The following KCNH1 variants were observed in gnomAD, a reference collection of about 807,000 sequenced individuals.
KCNH1 encodes the protein potassium voltage-gated channel subfamily H member 1, also known as voltage-gated delayed rectifier potassium channel KCNH1.
A neutral mutation model predicts 69.2 loss-of-function variants in KCNH1; 27 were observed. The observed-to-expected ratio is 0.39, with a 90% CI of 0.29 to 0.54. The LOEUF is 0.54. Ranked by LOEUF, KCNH1 falls within the 20% of genes least tolerant of loss-of-function variation. The pLI, the probability that KCNH1 is intolerant of heterozygous loss-of-function variation, is 0.68. For synonymous variants in KCNH1, 456 were observed against 487.7 expected (o/e 0.93, Z 0.86); for missense variants, 798 against 1,261.6 (o/e 0.63, Z 5.57).
At chr1:210,962,532 T>G (rs1688313654) in intron 6 of KCNH1, among the ~76,000 whole-genome samples, 1 of 152,130 alleles carries the variant, frequency 6.6e-6, no homozygotes, top group Non-Finnish European at 1.5e-5. Flanking sequence ...TTATTTAATT[T>G]TATTCAATGT....
At chr1:211,075,248 T>C (rs186167709) in intron 5 of KCNH1, among the ~76,000 whole-genome samples, 10 of 152,326 alleles carry the variant, frequency 6.6e-5, no homozygotes. Flanking sequence ...ATCATCCAAA[T>C]ATCTGTCCTT....
chr1:211,068,674 G>A (rs749310063), intron 5 of KCNH1, among the ~76,000 whole-genome samples: 2 of 152,144 alleles, frequency 1.3e-5, no homozygotes, highest in Non-Finnish European at 2.9e-5. Flanking sequence ...GATTACAGGC[G>A]TGAGCCACTG....
chr1:210,704,497 AGCCATTACTTCT>A (rs1327296861), intron 10 of KCNH1, among the ~76,000 whole-genome samples: 5 of 152,192 alleles, frequency 3.3e-5, no homozygotes, highest in Admixed American at 3.3e-4. Flanking sequence ...CCATGAAGAC[AGCCATTACTTCT>A]GCCATTATTA....
intron 5 of KCNH1, among the ~76,000 whole-genome samples, chr1:211,022,764 T>C (rs756782375): frequency 6.6e-6 from 1 of 151,964 alleles, no homozygotes; most frequent in Non-Finnish European, 1.5e-5. Context: ...CAAATCAAAA[T>C]GCAATGAAAT....
At chr1:210,963,059 A>G (rs1688327866) in intron 6 of KCNH1, among the ~76,000 whole-genome samples, 1 of 151,896 alleles carries the variant, frequency 6.6e-6, no homozygotes, top group Admixed American at 6.6e-5. Context: ...AAGTATTCCC[A>G]AATCGTAACT....
At chr1:210,845,429 C>A (rs1378942846) in intron 7 of KCNH1, among the ~76,000 whole-genome samples, 1 of 152,012 alleles carries the variant, frequency 6.6e-6, no homozygotes, top group Non-Finnish European at 1.5e-5. Flanking sequence ...TAAACATACG[C>A]AAATCAATAA....
intron 6 of KCNH1, among the ~76,000 whole-genome samples, chr1:210,972,494 A>T (rs761430588): frequency 2.6e-5 from 4 of 152,164 alleles, no homozygotes; most frequent in African/African-American, 9.7e-5. Flanking sequence ...TTACTTATAC[A>T]TTGGGAAAGA....
At chr1:210,884,392 C>T (rs1305635150) in intron 7 of KCNH1, among the ~76,000 whole-genome samples, 1 of 152,196 alleles carries the variant, frequency 6.6e-6, no homozygotes, top group Non-Finnish European at 1.5e-5. Context: ...TATCTATTAT[C>T]TTAGTGAGCC....
intron 7 of KCNH1, among the ~76,000 whole-genome samples, chr1:210,855,039 AT>A (rs1685801725): frequency 6.6e-6 from 1 of 152,170 alleles, no homozygotes; most frequent in South Asian, 2.1e-4. Flanking sequence ...TTAACCTAAT[AT>A]CACCTGCATA....
rs769890384 is a variant in KCNH1, at chr1:210,775,513, C to G, written c.1947G>C (p.Trp649Cys). The change falls in exon 10 of 11, where the codon TGG (tryptophan) becomes TGC (cysteine). Residue 649 changes from tryptophan (W) to cysteine (C), a missense_variant. Physicochemically the swap from Trp to Cys is radical, Grantham distance 215. Coordinates refer to ENST00000271751, the MANE Select transcript of KCNH1 (RefSeq NM_172362.3). ...GKGDVFGDVFWKEATLAQSCA... is the reference protein window; with the variant it reads ...GKGDVFGDVFCKEATLAQSCA... Reference sequence around the variant, plus strand: ...AGGACTGGGCAAGGGTGGCTTCCTTCCAGAACACATCTCCAAACACGTCTC... The same window carrying G: ...AGGACTGGGCAAGGGTGGCTTCCTTGCAGAACACATCTCCAAACACGTCTC... 1 of 1,613,942 alleles carries G rather than the reference C, an allele frequency of 6.2e-7. No individual in the cohort carries two copies. The highest frequency in any genetic ancestry group is 1.1e-5 in the South Asian group (1 of 91,070).
chr1:210,685,533 C>A (rs1004919069), intron 10 of KCNH1, among the ~76,000 whole-genome samples: 1 of 152,138 alleles, frequency 6.6e-6, no homozygotes, highest in Non-Finnish European at 1.5e-5. Context: ...AGTCCCAGCC[C>A]CATTACTTGA....
chr1:211,131,407 T>C (rs952513965), intron 1 of KCNH1, among the ~76,000 whole-genome samples: 4 of 152,208 alleles, frequency 2.6e-5, no homozygotes, highest in African/African-American at 9.6e-5. Flanking sequence ...TCAGGCATTG[T>C]TTGCTCTGCC....
intron 3 of KCNH1, among the ~76,000 whole-genome samples, chr1:211,100,370 A>G (rs1232393244): frequency 6.6e-6 from 1 of 151,936 alleles, no homozygotes; most frequent in African/African-American, 2.4e-5. Flanking sequence ...ATTTTGGGAG[A>G]CAGAGTGAGT....
intron 6 of KCNH1, among the ~76,000 whole-genome samples, chr1:210,998,148 A>C (rs562233590): frequency 6.6e-6 from 1 of 152,302 alleles, no homozygotes; most frequent in South Asian, 2.1e-4. Flanking sequence ...ACAGGACCAA[A>C]TACTGCATAA....
chr1:210,716,508 A>G (rs1682255719), intron 10 of KCNH1, among the ~76,000 whole-genome samples: 1 of 151,940 alleles, frequency 6.6e-6, no homozygotes. Context: ...TGCTATTACT[A>G]AAGGGTTTAC....
intron 7 of KCNH1, among the ~76,000 whole-genome samples, chr1:210,879,340 T>A (rs1167284538): frequency 6.6e-6 from 1 of 151,972 alleles, no homozygotes; most frequent in Non-Finnish European, 1.5e-5. Flanking sequence ...CTCTCATGAA[T>A]AGAGACACAA....
intron 5 of KCNH1, among the ~76,000 whole-genome samples, chr1:211,021,875 A>C (rs1197448227): frequency 6.6e-6 from 1 of 152,190 alleles, no homozygotes; most frequent in Non-Finnish European, 1.5e-5. Flanking sequence ...TAGGAGAATT[A>C]ATATTATTAC....
At chr1:210,725,230 T>C (rs1682558908) in intron 10 of KCNH1, among the ~76,000 whole-genome samples, 1 of 152,188 alleles carries the variant, frequency 6.6e-6, no homozygotes, top group Non-Finnish European at 1.5e-5. Flanking sequence ...ACAGACACAT[T>C]TCACTGTCAG....
intron 10 of KCNH1, among the ~76,000 whole-genome samples, chr1:210,757,563 A>C (rs1245648985): frequency 6.6e-6 from 1 of 152,062 alleles, no homozygotes; most frequent in African/African-American, 2.4e-5. Flanking sequence ...CCAGGTGCAA[A>C]TCTCCAGTCA....
Sources: gnomAD v4.1 joint callset for allele counts (sites outside exome capture counted in the v4.1 genomes callset) on GRCh38, gnomAD v4.1.1 for gene constraint, MANE v1.5 for transcripts, NCBI Gene and HGNC (gene_info 2026-07-23, HGNC 2026-07-21) for gene names.